Variants in FNDC3A observed in about 807,000 individuals in gnomAD.
FNDC3A encodes fibronectin type-III domain-containing protein 3A.
FNDC3A carries 32 observed loss-of-function variants against 148.9 expected under a neutral mutation model. That is an observed-to-expected ratio of 0.21 (90% CI 0.16 to 0.29). FNDC3A has a LOEUF of 0.29. Among genes scored for constraint, FNDC3A ranks in the 10% least tolerant of loss-of-function variants. The pLI, the probability that FNDC3A is intolerant of heterozygous loss-of-function variation, is 1.00. For synonymous variants in FNDC3A, 472 were observed against 473.6 expected (o/e 1.00, Z 0.04); for missense variants, 1,191 against 1,452.8 (o/e 0.82, Z 2.93).
At chr13:49,173,729 A>G (rs1320540094) in intron 11 of FNDC3A, among the ~76,000 whole-genome samples, 1 of 152,224 alleles carries the variant, frequency 6.6e-6, no homozygotes, top group Non-Finnish European at 1.5e-5. Context: ...AGCATTTAGT[A>G]AAGCAGTCAA....
intron 8 of FNDC3A, among the ~76,000 whole-genome samples, chr13:49,158,341 C>A (rs528330676): frequency 6.6e-6 from 1 of 152,234 alleles, no homozygotes; most frequent in Non-Finnish European, 1.5e-5. Context: ...TGACCCCTTG[C>A]GCTTCCCAAG....
intron 10 of FNDC3A, among the ~76,000 whole-genome samples, chr13:49,171,338 C>T (rs1286360779): frequency 6.6e-6 from 1 of 151,858 alleles, no homozygotes; most frequent in Non-Finnish European, 1.5e-5. Flanking sequence ...TAATTTTGAC[C>T]AGGGGAGTCT....
intron 1 of FNDC3A, among the ~76,000 whole-genome samples, chr13:49,003,653 T>C (rs1383258564): frequency 6.6e-6 from 1 of 152,184 alleles, no homozygotes; most frequent in East Asian, 1.9e-4. Context: ...TTCTGCATTA[T>C]CTTTTAGAAC....
At chr13:49,190,835 GTTTT>G (rs1885847605) in intron 17 of FNDC3A, among the ~76,000 whole-genome samples, 176 bp from the exon 18 acceptor site, 1 of 151,956 alleles carries the variant, frequency 6.6e-6, no homozygotes, top group Admixed American at 6.6e-5. Flanking sequence ...AAAATTTTGA[GTTTT>G]TATTTAATTG....
intron 3 of FNDC3A, among the ~76,000 whole-genome samples, chr13:49,092,875 C>G (rs1399826338): frequency 2.0e-5 from 3 of 150,360 alleles, no homozygotes; most frequent in Admixed American, 2.0e-4. Flanking sequence ...TTTTTTCTGT[C>G]TCAGAGTCCA....
At chr13:48,976,242 C>T (rs983641818) in intron 1 of FNDC3A, 65 bp downstream of exon 1, 7 of 152,354 alleles carry the variant, frequency 4.6e-5, no homozygotes, top group Non-Finnish European at 1.0e-4. Context: ...CCCCGTCCCG[C>T]CCCGGAGGAG....
intron 2 of FNDC3A, among the ~76,000 whole-genome samples, chr13:49,027,466 A>T (rs904990190): frequency 1.7e-4 from 26 of 152,246 alleles, no homozygotes; most frequent in East Asian, 9.6e-4. Context: ...GTATTAAAAA[A>T]TTTTTTTCTG....
chr13:49,187,227 A>G (rs1885625423), intron 16 of FNDC3A, 37 bp downstream of exon 16: 2 of 1,388,490 alleles, frequency 1.4e-6, no homozygotes, highest in African/African-American at 2.9e-5. Context: ...GATTTATTCC[A>G]GCCAGTCTCT....
At chr13:49,004,701 C>T (rs1952189468) in intron 1 of FNDC3A, among the ~76,000 whole-genome samples, 1 of 151,832 alleles carries the variant, frequency 6.6e-6, no homozygotes, top group Admixed American at 6.6e-5. Context: ...AAACCTAGTA[C>T]ATAGAATATT....
At chr13:49,124,237 A>G (rs1291949876) in intron 4 of FNDC3A, among the ~76,000 whole-genome samples, 2 of 152,166 alleles carry the variant, frequency 1.3e-5, no homozygotes, top group South Asian at 2.1e-4. Context: ...AGATTAACAC[A>G]GGAACAGAAA....
chr13:49,050,942 T>C (rs1447901893), intron 2 of FNDC3A, among the ~76,000 whole-genome samples: 1 of 152,218 alleles, frequency 6.6e-6, no homozygotes, highest in East Asian at 1.9e-4. Context: ...AAGTTTGTTT[T>C]GTCTGATACA....
chr13:49,121,928 G>A (rs149307553), intron 4 of FNDC3A, among the ~76,000 whole-genome samples: 212 of 152,222 alleles, frequency 1.4e-3, no homozygotes, highest in African/African-American at 4.9e-3. Flanking sequence ...GTACAAAGAG[G>A]AGCTGTTACT....
At chr13:49,177,144 T>TTG (rs1885071160) in intron 13 of FNDC3A, among the ~76,000 whole-genome samples, 1 of 152,102 alleles carries the variant, frequency 6.6e-6, no homozygotes, top group Non-Finnish European at 1.5e-5. Context: ...TTTGTTTTAT[T>TTG]TGTGTGTGTG....
At position 49,012,156 on chromosome 13, in the gene FNDC3A, C is replaced by T. The variant is rs373986646; in HGVS notation, c.99+5867C>T. ...TTTGAGACGGAGTCTTGCTCTGTCACGCAGGTTGGAGTGCAGTGGCGCGAT... is the reference window on the plus strand; with the variant it reads ...TTTGAGACGGAGTCTTGCTCTGTCATGCAGGTTGGAGTGCAGTGGCGCGAT... On this transcript the variant is annotated intron_variant, in intron 2 of 25. Transcript: ENST00000492622. Among the ~76,000 whole-genome samples the T allele has an allele frequency of 9.7e-4, 147 of 151,870 alleles. 1 individual carries two copies. Among genetic ancestry groups the T allele is most frequent in the African/African-American group, 3.4e-3 (140 of 41,374 alleles).
At chr13:49,069,384 T>C (rs1397366772) in intron 2 of FNDC3A, among the ~76,000 whole-genome samples, 1 of 152,158 alleles carries the variant, frequency 6.6e-6, no homozygotes, top group East Asian at 1.9e-4. Context: ...CTGGTTCCTA[T>C]CCACTGCTTA....
At chr13:49,164,352 T>C (rs751739161) in intron 8 of FNDC3A, among the ~76,000 whole-genome samples, 18 of 152,334 alleles carry the variant, frequency 1.2e-4, no homozygotes, top group Non-Finnish European at 2.4e-4. Context: ...TTGACTATAA[T>C]TTCATGCAGA....
chr13:49,203,409 T>A (rs1209685749), intron 25 of FNDC3A, 125 bp downstream of exon 25: 8 of 639,176 alleles, frequency 1.3e-5, no homozygotes, highest in Non-Finnish European at 2.1e-5. Context: ...GTATATATTA[T>A]GTTCCAGAGA....
chr13:49,202,513 T>C (rs932702762), intron 24 of FNDC3A, among the ~76,000 whole-genome samples: 2 of 152,236 alleles, frequency 1.3e-5, no homozygotes, highest in African/African-American at 4.8e-5. Context: ...TATTTTTAGC[T>C]GAAAAGTCTA....
chr13:49,182,132 G>A (rs1885336731), intron 14 of FNDC3A, among the ~76,000 whole-genome samples: 1 of 151,822 alleles, frequency 6.6e-6, no homozygotes, highest in Non-Finnish European at 1.5e-5. Flanking sequence ...ACAGGCATGA[G>A]CCACCACACC....
Sources: allele counts gnomAD v4.1 joint callset (sites outside exome capture counted in the v4.1 genomes callset), GRCh38; gene constraint gnomAD v4.1.1; transcripts MANE v1.5; gene names NCBI Gene and HGNC (gene_info 2026-07-23, HGNC 2026-07-21).